The following CENPI variants were observed in gnomAD, a reference collection of about 807,000 sequenced individuals.
CENPI encodes FSH primary response 1.
Under a neutral mutation model 60.4 loss-of-function variants are expected in CENPI, and 4 were observed. The observed-to-expected ratio is 0.07, with a 90% confidence interval of 0.03 to 0.15. The LOEUF (loss-of-function observed/expected upper bound fraction) is 0.15. CENPI is among the 10% of genes least tolerant of loss of function. CENPI has a pLI of 1.00. For missense variants in CENPI, 444 were observed against 534.5 expected, an observed-to-expected ratio of 0.83 and a Z score of 1.67; for synonymous variants, 157 against 189.4, an observed-to-expected ratio of 0.83 and a Z score of 1.40.
chrX:101,151,569 C>T (rs1053490778), intron 20 of CENPI, among the ~76,000 whole-genome samples: 3 of 111,466 alleles, frequency 2.7e-5, no homozygotes, highest in Non-Finnish European at 5.6e-5. Flanking sequence ...GGGTGGCTCA[C>T]GCCTGTAATC....
chrX:101,102,768 C>G (rs1305295732), intron 4 of CENPI, among the ~76,000 whole-genome samples: 1 of 107,911 alleles, frequency 9.3e-6, no homozygotes, highest in Non-Finnish European at 1.9e-5. Context: ...CTACCTCTGC[C>G]TCTCGGGTTC....
At position 101,134,885 on chromosome X, in the gene CENPI, G is replaced by C. The variant is rs187825501; in HGVS notation, c.1470+2429G>C. Among the ~76,000 whole-genome samples the C allele has an allele frequency of 5.4e-4, 60 of 110,221 alleles. 1 individual carries two copies. In the East Asian group the frequency reaches 0.011, roughly 20 times the overall value. On this transcript the variant is annotated intron_variant, in intron 15 of 21. Coordinates refer to ENST00000682095, the MANE Select transcript of CENPI (RefSeq NM_001386188.2). Reference sequence around the variant, plus strand: ...CTAAAAATACAAAAATTAGCCGGGCGTGCCCATAATTCCAACTACTCAGGA... The same window carrying C: ...CTAAAAATACAAAAATTAGCCGGGCCTGCCCATAATTCCAACTACTCAGGA...
At chrX:101,177,113 T>C in the CENPI span, among the ~76,000 whole-genome samples, 1 of 111,442 alleles carries the variant, frequency 9.0e-6, no homozygotes, top group Non-Finnish European at 1.9e-5. Flanking sequence ...TTTGGGCTCC[T>C]AGGTGGCTTG....
At chrX:101,110,801 T>G (rs1420982749) in intron 6 of CENPI, among the ~76,000 whole-genome samples, 1 of 111,268 alleles carries the variant, frequency 9.0e-6, no homozygotes, top group East Asian at 2.8e-4. Context: ...AGTTTGAGGA[T>G]AATAATTGCT....
intron 16 of CENPI, among the ~76,000 whole-genome samples, chrX:101,141,612 G>A (rs1168192234): frequency 9.0e-6 from 1 of 111,682 alleles, no homozygotes. Context: ...CCAAAGTGCT[G>A]GGATTACAGG....
intron 15 of CENPI, among the ~76,000 whole-genome samples, chrX:101,138,568 C>T (rs1452888743): frequency 1.8e-5 from 2 of 110,358 alleles, no homozygotes; most frequent in African/African-American, 6.6e-5. Flanking sequence ...CCTTGTGATC[C>T]ACCTGCCTCA....
downstream of CENPI, among the ~76,000 whole-genome samples, chrX:101,169,598 TTTA>T (rs753585588): frequency 8.0e-5 from 9 of 112,535 alleles, no homozygotes; most frequent in Admixed American, 3.8e-4. Context: ...TACTGTACTT[TTTA>T]TTATTATTTT....
At chrX:101,168,463 G>C (rs186176388), downstream of CENPI, among the ~76,000 whole-genome samples, 635 of 112,100 alleles carry the variant, frequency 5.7e-3, 5 homozygotes, top group African/African-American at 0.017. Context: ...CTACTAGGGA[G>C]ACTGAGGCAG....
At chrX:101,130,702 A>G (rs2089787216) in intron 13 of CENPI, among the ~76,000 whole-genome samples, 1 of 112,353 alleles carries the variant, frequency 8.9e-6, no homozygotes, top group Non-Finnish European at 1.9e-5. Flanking sequence ...CTTACAATCA[A>G]CAAACATTTT....
chrX:101,111,201 C>A (rs1287176255), intron 6 of CENPI, among the ~76,000 whole-genome samples: 1 of 110,437 alleles, frequency 9.1e-6, no homozygotes, highest in Non-Finnish European at 1.9e-5. Flanking sequence ...TAGTTCCCAA[C>A]AATGTGAATT....
chrX:101,146,785 A>C (rs762649047), intron 18 of CENPI, among the ~76,000 whole-genome samples: 18 of 111,042 alleles, frequency 1.6e-4, no homozygotes, highest in South Asian at 3.8e-4. Flanking sequence ...ATCACCCTGG[A>C]GTGCAGTGAC....
intron 15 of CENPI, among the ~76,000 whole-genome samples, chrX:101,136,699 T>C (rs1156695247): frequency 2.3e-5 from 2 of 85,650 alleles, no homozygotes; most frequent in Non-Finnish European, 4.9e-5. Context: ...TCCACACTAA[T>C]GTTGTTATAT....
chrX:101,176,421 T>C, the CENPI span, among the ~76,000 whole-genome samples: 1 of 111,263 alleles, frequency 9.0e-6, no homozygotes, highest in Non-Finnish European at 1.9e-5. Context: ...CATTCCCCTT[T>C]CACATCCTTG....
intron 4 of CENPI, among the ~76,000 whole-genome samples, chrX:101,107,835 ATT>A (rs35105469): frequency 5.7e-5 from 5 of 87,159 alleles, no homozygotes; most frequent in African/African-American, 1.3e-4. Context: ...CACTTGGCTA[ATT>A]TTTTTTTTTT....
Position 101,128,742 on chromosome X carries a change from A to G in CENPI, c.1101A>G (p.Leu367=). 1 of 1,209,443 alleles carries G rather than the reference A, an allele frequency of 8.3e-7. No homozygotes were observed. The highest frequency in any genetic ancestry group is 1.1e-6 in the Non-Finnish European group (1 of 893,483). The change falls in exon 12 of 22, where the codon CTA becomes CTG. Residue 367 remains leucine (L), a synonymous_variant. Coordinates refer to ENST00000682095, the MANE Select transcript of CENPI (RefSeq NM_001386188.2). Reference sequence around the variant, plus strand: ...TGCCTTCTCAGATGGGCTCAGTGCTAAACAACTCTCTGCTGCTTCACTACA... The same window carrying G: ...TGCCTTCTCAGATGGGCTCAGTGCTGAACAACTCTCTGCTGCTTCACTACA... The part of the protein sequence containing the change: ...LELPSQMGSV[L]NNSLLLHYIN...
chrX:101,098,576 A>T (rs948254771), intron 2 of CENPI, 37 bp downstream of exon 2: 4 of 110,757 alleles, frequency 3.6e-5, no homozygotes, highest in Non-Finnish European at 7.6e-5. Context: ...AGTTTTTCCT[A>T]TTTGCAGCCA....
chrX:101,122,556 A>G (rs901968189), intron 8 of CENPI, among the ~76,000 whole-genome samples: 3 of 111,801 alleles, frequency 2.7e-5, no homozygotes, highest in Non-Finnish European at 5.6e-5. Flanking sequence ...AAACATTTCA[A>G]TGGAATAAGA....
At chrX:101,177,548 C>G in the CENPI span, among the ~76,000 whole-genome samples, 2 of 111,738 alleles carry the variant, frequency 1.8e-5, no homozygotes, top group Non-Finnish European at 3.8e-5. Flanking sequence ...AGAGGCAGGG[C>G]GCTCCTCAAG....
At chrX:101,146,423 C>T (rs966588148) in intron 18 of CENPI, 146 bp downstream of exon 18, 18 of 503,669 alleles carry the variant, frequency 3.6e-5, no homozygotes, top group East Asian at 2.7e-4. Context: ...CATGACCTTC[C>T]GATATGGGGC....
Sources: allele counts gnomAD v4.1 joint callset (sites outside exome capture counted in the v4.1 genomes callset), GRCh38; gene constraint gnomAD v4.1.1; transcripts MANE v1.5; gene names NCBI Gene and HGNC (gene_info 2026-07-23, HGNC 2026-07-21).